Variants in ADAMTS18 observed in about 807,000 individuals in gnomAD.
The protein encoded by ADAMTS18 is A disintegrin and metalloproteinase with thrombospondin motifs 18.
In ADAMTS18, 157 loss-of-function variants were observed where a neutral mutation model predicts 165.9. The observed-to-expected ratio is 0.95, with a 90% CI of 0.83 to 1.08. The LOEUF (loss-of-function observed/expected upper bound fraction) is 1.08. Ranked by LOEUF, ADAMTS18 falls within the 50% of genes least tolerant of loss-of-function variation. ADAMTS18 has a pLI of 0.00. For missense variants in ADAMTS18, 2,040 were observed against 1,534.0 expected (o/e 1.33, Z -5.51); for synonymous variants, 782 against 578.2 (o/e 1.35, Z -5.06).
At position 77,342,751 on chromosome 16, in the gene ADAMTS18, T is replaced by A. The variant is rs545157700; in HGVS notation, c.1615-952A>T. Among the ~76,000 whole-genome samples, 4 of 152,272 alleles carry A rather than the reference T, an allele frequency of 2.6e-5. No individual in the cohort carries two copies. In the South Asian group the frequency reaches 6.2e-4, roughly 24 times the overall value. On this transcript the variant is annotated intron_variant, in intron 10 of 22. Coordinates refer to ENST00000282849, the MANE Select transcript of ADAMTS18 (RefSeq NM_199355.4). ...CCTGGGATCCTGTGAATATGTGAAG[T>A]TGTGTAGCAAAGGAGAATTAAAGTT...
intron 3 of ADAMTS18, among the ~76,000 whole-genome samples, chr16:77,394,663 C>T (rs549264140): frequency 1.6e-4 from 25 of 152,076 alleles, no homozygotes; most frequent in Non-Finnish European, 3.2e-4. Flanking sequence ...AATAAAATAG[C>T]GTTCTCACCC....
At chr16:77,359,549 GAAAAAA>G in intron 7 of ADAMTS18, 126 bp from the exon 8 acceptor site, 2 of 301,796 alleles carry the variant, frequency 6.6e-6, no homozygotes, top group East Asian at 3.4e-5. Context: ...AGTGTTTTTG[GAAAAAA>G]AAAAAAAAAA....
intron 22 of ADAMTS18, among the ~76,000 whole-genome samples, chr16:77,286,585 C>T (rs554695987): frequency 1.5e-4 from 23 of 152,238 alleles, no homozygotes; most frequent in African/African-American, 5.5e-4. Context: ...CCATAGCTAG[C>T]TCCATAGCTA....
At chr16:77,361,871 T>C (rs2056719522) in intron 7 of ADAMTS18, among the ~76,000 whole-genome samples, 1 of 147,366 alleles carries the variant, frequency 6.8e-6, no homozygotes. Context: ...GCAACAAGAG[T>C]GAAACTCCAT....
chr16:77,356,341 A>G (rs1054036764), intron 8 of ADAMTS18, among the ~76,000 whole-genome samples: 14 of 152,210 alleles, frequency 9.2e-5, no homozygotes, highest in African/African-American at 3.4e-4. Flanking sequence ...TATGGGCTGG[A>G]AAATTTTGCT....
chr16:77,297,726 T>A (rs1373813958), intron 17 of ADAMTS18, among the ~76,000 whole-genome samples: 3 of 151,994 alleles, frequency 2.0e-5, no homozygotes, highest in African/African-American at 7.2e-5. Flanking sequence ...AAGGGTAACA[T>A]CCCAGGCAAA....
chr16:77,294,989 G>A lies in ADAMTS18; in HGVS notation c.2940C>T (p.Pro980=). 1 of 1,614,158 alleles carries A rather than the reference G, an allele frequency of 6.2e-7. No homozygotes were observed. Among genetic ancestry groups the A allele is most frequent in the South Asian group, 1.1e-5 (1 of 91,076 alleles). ...GGCTGTTGCAGGCTTGGACCTGAGTGGGTGTGCTCACTGGACAGAGAGAAT... is the reference window on the plus strand; with the variant it reads ...GGCTGTTGCAGGCTTGGACCTGAGTAGGTGTGCTCACTGGACAGAGAGAAT... ...VLHSLCPVST[P]TQVQACNSHA... Residue 980 remains proline (P), a synonymous_variant, in exon 19 of 23, where the codon CCC becomes CCT. Coordinates refer to ENST00000282849, the MANE Select transcript of ADAMTS18 (RefSeq NM_199355.4).
chr16:77,416,298 G>C (rs545023396), intron 3 of ADAMTS18, among the ~76,000 whole-genome samples: 48 of 152,314 alleles, frequency 3.2e-4, no homozygotes, highest in Non-Finnish European at 5.9e-4. Context: ...AATAATGGAA[G>C]AGATAGGAAG....
intron 12 of ADAMTS18, among the ~76,000 whole-genome samples, chr16:77,331,136 T>C (rs1050822306): frequency 1.3e-5 from 2 of 152,204 alleles, no homozygotes; most frequent in African/African-American, 4.8e-5. Context: ...AATTATTCTA[T>C]TAGGCATCTC....
intron 3 of ADAMTS18, among the ~76,000 whole-genome samples, chr16:77,428,486 T>C (rs966432294): frequency 1.3e-5 from 2 of 152,158 alleles, no homozygotes; most frequent in African/African-American, 4.8e-5. Flanking sequence ...ACTTCACAAC[T>C]ATCAATCAGA....
chr16:77,283,143 C>T lies in ADAMTS18; in HGVS notation c.*813G>A, dbSNP rs3087939. 0.011 allele frequency: 1,616 copies of T among 152,560 alleles called. 19 individuals carry two copies. The highest frequency in any genetic ancestry group is 0.049 in the South Asian group (234 of 4,812). 9.5% of individuals were successfully genotyped at this position (152,560 alleles called of 1,614,324 possible). On this transcript the variant is annotated 3_prime_UTR_variant, in exon 23 of 23. Transcript: ENST00000282849. Reference sequence around the variant, plus strand: ...GTATGTAGCATTCCCAAAGAGCGGGCTGTAGCTTTTCATGGACTGATTCAG... The same window carrying T: ...GTATGTAGCATTCCCAAAGAGCGGGTTGTAGCTTTTCATGGACTGATTCAG...
intron 16 of ADAMTS18, among the ~76,000 whole-genome samples, chr16:77,313,329 G>A (rs939843244): frequency 1.3e-5 from 2 of 151,994 alleles, no homozygotes. Context: ...AGCATTAGGA[G>A]ATATACCTAA....
At chr16:77,307,592 C>A (rs2055704500) in intron 16 of ADAMTS18, among the ~76,000 whole-genome samples, 1 of 152,166 alleles carries the variant, frequency 6.6e-6, no homozygotes, top group East Asian at 1.9e-4. Context: ...TGGAGGCCCC[C>A]ACTTCAAATA....
At chr16:77,292,932 G>A in intron 20 of ADAMTS18, 144 bp downstream of exon 20, 1 of 914,854 alleles carries the variant, frequency 1.1e-6, no homozygotes, top group Admixed American at 2.3e-5. Context: ...CCATGCTCCT[G>A]CCTCAGCCTC....
Position 77,282,129 on chromosome 16 carries a change from CAAAGAT to C in ADAMTS18, c.*1821_*1826del, listed in dbSNP as rs745608690. 1.2e-4 allele frequency: 18 copies of C among 151,910 alleles called. No individual in the cohort carries two copies. Among genetic ancestry groups the C allele is most frequent in the Admixed American group, 9.8e-4 (15 of 15,254 alleles). 9.4% of individuals were successfully genotyped at this position (151,910 alleles called of 1,614,324 possible). ...CTTATTCAAGAACTTAACAAGCTGT[CAAAGAT>C]AAAGAAATGGAATACTTTATTATAA... On this transcript the variant is annotated 3_prime_UTR_variant, in exon 23 of 23. Coordinates refer to ENST00000282849, the MANE Select transcript of ADAMTS18 (RefSeq NM_199355.4).
chr16:77,386,037 T>C (rs543581799), intron 3 of ADAMTS18, among the ~76,000 whole-genome samples: 3 of 152,238 alleles, frequency 2.0e-5, no homozygotes, highest in Non-Finnish European at 4.4e-5. Flanking sequence ...CCTATCTATT[T>C]GATGAAGTGA....
chr16:77,334,902 A>G (rs1482290269), intron 12 of ADAMTS18, among the ~76,000 whole-genome samples: 1 of 137,372 alleles, frequency 7.3e-6, no homozygotes, highest in East Asian at 2.1e-4. Flanking sequence ...TACAGTATAT[A>G]TACTGTACAT....
chr16:77,379,337 G>C (rs538730945), intron 3 of ADAMTS18, among the ~76,000 whole-genome samples: 1 of 151,764 alleles, frequency 6.6e-6, no homozygotes, highest in Admixed American at 6.6e-5. Context: ...CTAGCATCAT[G>C]GGGAGAAGAA....
Position 77,296,550 on chromosome 16 carries a change from T to G in ADAMTS18, c.2801+739A>C, listed in dbSNP as rs145997056. ...AGAAGAGGAATCCCTATGCAAAGGT[T>G]AAAAGAAAAAAGCACCTCACGCCTG... On this transcript the variant is annotated intron_variant, in intron 18 of 22. Coordinates refer to ENST00000282849, the MANE Select transcript of ADAMTS18 (RefSeq NM_199355.4). 5.8e-4 allele frequency among the ~76,000 whole-genome samples: 89 copies of G among 152,204 alleles called. 1 individual carries two copies. The East Asian group carries it at 0.014, about 25-fold the overall frequency.
Sources: gnomAD v4.1 joint callset for allele counts (sites outside exome capture counted in the v4.1 genomes callset) on GRCh38, gnomAD v4.1.1 for gene constraint, MANE v1.5 for transcripts, NCBI Gene and HGNC (gene_info 2026-07-23, HGNC 2026-07-21) for gene names.